IGF2R: variants seen among roughly 807,000 people sequenced by gnomAD.
The protein encoded by IGF2R is insulin like growth factor 2 receptor, also known as cation-independent mannose-6-phosphate receptor.
A neutral mutation model predicts 270.6 loss-of-function variants in IGF2R; 91 were observed. That is an observed-to-expected ratio of 0.34 (90% confidence interval 0.28 to 0.40). IGF2R has a LOEUF of 0.40. Among genes scored for constraint, IGF2R ranks in the 10% least tolerant of loss-of-function variants. The pLI is 1.00. For missense variants in IGF2R, 2,805 were observed against 3,188.3 expected (o/e 0.88, Z 2.90); for synonymous variants, 1,316 against 1,258.9 (o/e 1.05, Z -0.96).
At chr6:160,024,798 A>C in intron 5 of IGF2R, 94 bp downstream of exon 5, 1 of 1,408,252 alleles carries the variant, frequency 7.1e-7, no homozygotes, top group Non-Finnish European at 9.8e-7. Context: ...CTGTTTTCAC[A>C]TCCATGTTTC....
intron 29 of IGF2R, among the ~76,000 whole-genome samples, 170 bp from the exon 30 acceptor site, chr6:160,068,065 GGTGTGTGTGTGTGT>G (rs879058804): frequency 5.2e-5 from 4 of 77,402 alleles, no homozygotes; most frequent in East Asian, 2.6e-4. Flanking sequence ...TCTGATGGGG[GGTGTGTGTGTGTGT>G]GTGTGTGTGT....
At position 160,056,492 on chromosome 6, in the gene IGF2R, C is replaced by G; in HGVS notation, c.2763C>G (p.Ala921=). 5 of 1,613,924 alleles carry G rather than the reference C, an allele frequency of 3.1e-6. No homozygotes were observed. Residue 921 remains alanine (A), a synonymous_variant, in exon 20 of 48, where the codon GCC becomes GCG. Transcript: ENST00000356956. ...VVSFLWNTEA[A]CPIQTTTDTD... ...GTTTCCTGTGGAACACAGAGGCTGCCTGTCCCATTCAGACAACGACGGATA... is the reference window on the plus strand; with the variant it reads ...GTTTCCTGTGGAACACAGAGGCTGCGTGTCCCATTCAGACAACGACGGATA...
intron 2 of IGF2R, among the ~76,000 whole-genome samples, chr6:159,993,505 A>C (rs1481072333): frequency 6.6e-6 from 1 of 151,956 alleles, no homozygotes; most frequent in Admixed American, 6.6e-5. Flanking sequence ...GTTTTTGTCA[A>C]CTTTGTCAAA....
At position 159,994,072 on chromosome 6, in the gene IGF2R, C is replaced by CA. The variant is rs368823211; in HGVS notation, c.289+2751dup. On this transcript the variant is annotated intron_variant, in intron 2 of 47. Coordinates refer to ENST00000356956, the MANE Select transcript of IGF2R (RefSeq NM_000876.4). Reference sequence around the variant, plus strand: ...TGTACCTTTGGTAGAATTTGGCTCTCAATCTGTCTGGTCCTGTGCTTTTTC... The same window carrying CA: ...TGTACCTTTGGTAGAATTTGGCTCTCAAATCTGTCTGGTCCTGTGCTTTTTC... 4.7e-3 allele frequency among the ~76,000 whole-genome samples: 666 copies of CA among 141,278 alleles called. 6 individuals carry two copies. Among genetic ancestry groups the CA allele is most frequent in the African/African-American group, 0.015 (577 of 37,766 alleles). 92.7% of individuals were successfully genotyped at this position (141,278 alleles called of 152,430 possible).
intron 39 of IGF2R, among the ~76,000 whole-genome samples, chr6:160,080,892 T>C (rs980900749): frequency 1.4e-5 from 2 of 148,060 alleles, no homozygotes; most frequent in Non-Finnish European, 3.0e-5. Context: ...CTGAGGCGGG[T>C]GGATCACGAG....
rs77803079 is a variant in IGF2R at position 160,074,035 on chromosome 6, T to G, written c.5166+60T>G. 1,203 of 1,262,758 alleles carry G rather than the reference T, an allele frequency of 9.5e-4. 7 individuals carry two copies. In the African/African-American group the frequency reaches 0.016, roughly 17 times the overall value. 78.2% of individuals were successfully genotyped at this position (1,262,758 alleles called of 1,614,324 possible). A position where few individuals can be genotyped will look rare whatever the true frequency, so the allele number is the denominator to read the frequency against. ...TTGCAAGACTTTTAGTGATAACCTT[T>G]GCGTTGTTTCTTGCCTTCAGTGGGG... On this transcript the variant is annotated intron_variant, in intron 35 of 47. Coordinates refer to ENST00000356956, the MANE Select transcript of IGF2R (RefSeq NM_000876.4).
chr6:160,011,423 A>G (rs760890925), intron 4 of IGF2R, among the ~76,000 whole-genome samples: 1 of 152,116 alleles, frequency 6.6e-6, no homozygotes, highest in Non-Finnish European at 1.5e-5. Context: ...GGGTGCATGT[A>G]TGTATATATA....
rs528730346 is a variant in IGF2R at position 160,091,008 on chromosome 6, G to C, written c.6655+905G>C. Among the ~76,000 whole-genome samples the C allele has an allele frequency of 1.0e-3, 148 of 144,538 alleles. 5 individuals are homozygous for C. Among genetic ancestry groups the C allele is most frequent in the African/African-American group, 3.8e-3 (145 of 37,988 alleles). The allele number at this position is 144,538 out of a possible 152,430, so 94.8% of individuals were successfully genotyped here. A position where few individuals can be genotyped will look rare whatever the true frequency, so the allele number is the denominator to read the frequency against. On this transcript the variant is annotated intron_variant, in intron 44 of 47. Coordinates refer to ENST00000356956, the MANE Select transcript of IGF2R (RefSeq NM_000876.4). ...CTGAGCGCATCGCTGAGAAGGAGCGGGTGCTCTGTGCCCTGGTGCTGAGCG... is the reference window on the plus strand; with the variant it reads ...CTGAGCGCATCGCTGAGAAGGAGCGCGTGCTCTGTGCCCTGGTGCTGAGCG...
At chr6:160,010,614 C>T (rs1784318668) in intron 3 of IGF2R, 73 bp from the exon 4 acceptor site, 2 of 949,306 alleles carry the variant, frequency 2.1e-6, no homozygotes, top group East Asian at 2.4e-5. Context: ...GCCTTTACTG[C>T]ATTCTCATTT....
rs1331477217 is a variant in IGF2R, at chr6:159,969,346, GC to G, written c.104del (p.Pro35ArgfsTer54). 1 of 1,314,406 alleles carries G rather than the reference GC, an allele frequency of 7.6e-7. No individual in the cohort carries two copies. The highest frequency in any genetic ancestry group is 9.7e-7 in the Non-Finnish European group (1 of 1,028,332). The allele number at this position is 1,314,406 out of a possible 1,614,324, so 81.4% of individuals were successfully genotyped here. ...LLLQLLLLVA[A>X]PGSTQAQAAP... Reference sequence around the variant, plus strand: ...GCTGCAGCTGCTGCTGCTCGTCGCTGCCCCGGGGTCCACGCAGGCCCAGGCC... The same window carrying G: ...GCTGCAGCTGCTGCTGCTCGTCGCTGCCCGGGGTCCACGCAGGCCCAGGCC... On this transcript the variant is annotated frameshift_variant, in exon 1 of 48. Coordinates refer to ENST00000356956, the MANE Select transcript of IGF2R (RefSeq NM_000876.4). LOFTEE classifies it high-confidence loss of function.
chr6:160,081,418 C>G (rs1294851352), intron 39 of IGF2R, among the ~76,000 whole-genome samples: 1 of 152,088 alleles, frequency 6.6e-6, no homozygotes, highest in African/African-American at 2.4e-5. Context: ...TCACATGCTT[C>G]AAGGATGACA....
chr6:160,110,876 TCAGAAG>T lies in IGF2R; in HGVS notation c.*5797_*5802del, dbSNP rs1356940584. ...TATGTGGAATCTAAAAAGGTTGGAC[TCAGAAG>T]CAGAGAGTGGAATGGTGGTTACCAA... On this transcript the variant is annotated 3_prime_UTR_variant, in exon 48 of 48. Transcript: ENST00000356956. 1.3e-5 allele frequency: 2 copies of T among 152,160 alleles called. No homozygotes were observed. The highest frequency in any genetic ancestry group is 3.8e-4 in the East Asian group (2 of 5,196). The allele number at this position is 152,160 out of a possible 1,614,324, so 9.4% of individuals were successfully genotyped here.
intron 19 of IGF2R, among the ~76,000 whole-genome samples, chr6:160,055,908 G>A (rs1338367498): frequency 6.6e-6 from 1 of 152,152 alleles, no homozygotes; most frequent in Admixed American, 6.5e-5. Context: ...GCACACAGAT[G>A]ATAACGTGAC....
chr6:159,987,404 C>G (rs1012707568), intron 1 of IGF2R, among the ~76,000 whole-genome samples: 2 of 152,024 alleles, frequency 1.3e-5, no homozygotes, highest in African/African-American at 4.8e-5. Context: ...TTCGTTTTTT[C>G]TTTTTGAGAC....
intron 43 of IGF2R, 72 bp downstream of exon 43, chr6:160,089,325 A>G (rs1396379498): frequency 1.1e-5 from 15 of 1,372,540 alleles, no homozygotes; most frequent in East Asian, 2.4e-5. Context: ...CTCTTTCCCT[A>G]TCGGGGAGCA....
intron 39 of IGF2R, among the ~76,000 whole-genome samples, chr6:160,081,498 T>C (rs1475718734): frequency 6.6e-6 from 1 of 152,156 alleles, no homozygotes; most frequent in Non-Finnish European, 1.5e-5. Context: ...CTAAATAACT[T>C]CCATGTCCCA....
chr6:160,002,458 T>G (rs1398489031), intron 2 of IGF2R, among the ~76,000 whole-genome samples: 1 of 152,168 alleles, frequency 6.6e-6, no homozygotes, highest in African/African-American at 2.4e-5. Context: ...CAGTGGATCA[T>G]CATATAAAGA....
At chr6:160,043,311 A>G (rs775755734) in intron 12 of IGF2R, 23 bp downstream of exon 12, 9 of 1,605,308 alleles carry the variant, frequency 5.6e-6, no homozygotes, top group Middle Eastern at 1.7e-4. Context: ...TGGATGGAAG[A>G]TCTAGGTGAT....
At chr6:160,062,732 A>G (rs1268871378) in intron 26 of IGF2R, 113 bp downstream of exon 26, 3 of 697,406 alleles carry the variant, frequency 4.3e-6, no homozygotes, top group Non-Finnish European at 7.3e-6. Context: ...GGGTCATGAG[A>G]CACACGCTAG....
Sources: allele counts gnomAD v4.1 joint callset (sites outside exome capture counted in the v4.1 genomes callset), GRCh38; gene constraint gnomAD v4.1.1; transcripts MANE v1.5; gene names NCBI Gene and HGNC (gene_info 2026-07-23, HGNC 2026-07-21).